Variants in DPP6 observed in about 807,000 individuals in gnomAD.
DPP6 encodes dipeptidyl peptidase like 6, also known as A-type potassium channel modulatory protein DPP6.
DPP6 carries 69 observed loss-of-function variants against 122.6 expected under a neutral mutation model. The ratio of observed to expected loss-of-function variants is 0.56; its 90% CI spans 0.46 to 0.69. The LOEUF is 0.69. Ranked by LOEUF, DPP6 falls within the 30% of genes least tolerant of loss-of-function variation. The probability of loss-of-function intolerance (pLI) is 0.00; values close to 1 mark genes in which losing one functional copy is unlikely to be tolerated. For missense variants in DPP6, 928 were observed against 1,116.9 expected (o/e 0.83, Z 2.41); for synonymous variants, 418 against 433.1 (o/e 0.97, Z 0.43).
chr7:154,287,191 A>G (rs1804910969), intron 1 of DPP6, among the ~76,000 whole-genome samples: 1 of 152,226 alleles, frequency 6.6e-6, no homozygotes, highest in South Asian at 2.1e-4. Flanking sequence ...GACATCTTAC[A>G]AACGCAGGAG....
At chr7:154,729,983 G>C (rs1842257200) in intron 8 of DPP6, among the ~76,000 whole-genome samples, 1 of 152,172 alleles carries the variant, frequency 6.6e-6, no homozygotes, top group African/African-American at 2.4e-5. Context: ...AAGAGGTACA[G>C]GCAGCAGCAC....
chr7:153,755,069 T>C, the DPP6 span, among the ~76,000 whole-genome samples: 1 of 152,004 alleles, frequency 6.6e-6, no homozygotes, highest in Non-Finnish European at 1.5e-5. Flanking sequence ...AATGTCCTTG[T>C]ATGTTGAGTG....
intron 4 of DPP6, among the ~76,000 whole-genome samples, chr7:154,558,968 A>T (rs1393220857): frequency 2.6e-5 from 4 of 152,232 alleles, no homozygotes; most frequent in African/African-American, 9.6e-5. Flanking sequence ...AGAGAGAATT[A>T]AAAATATCTG....
intron 8 of DPP6, among the ~76,000 whole-genome samples, chr7:154,732,923 G>C (rs1842407064): frequency 6.6e-6 from 1 of 152,098 alleles, no homozygotes; most frequent in Non-Finnish European, 1.5e-5. Context: ...AGTAGCTGCT[G>C]GGAAGTCTCC....
At chr7:154,728,238 C>A (rs924275707) in intron 8 of DPP6, among the ~76,000 whole-genome samples, 2 of 152,198 alleles carry the variant, frequency 1.3e-5, no homozygotes, top group African/African-American at 4.8e-5. Flanking sequence ...TCAGGGACTG[C>A]AAATGCATGT....
chr7:154,366,401 C>T (rs1300045194), intron 1 of DPP6, among the ~76,000 whole-genome samples: 7 of 152,200 alleles, frequency 4.6e-5, no homozygotes, highest in Admixed American at 6.5e-5. Context: ...TGAGGTTGAC[C>T]GGATGCCTTA....
intron 16 of DPP6, among the ~76,000 whole-genome samples, chr7:154,836,767 C>T (rs969568883): frequency 2.0e-5 from 3 of 152,128 alleles, no homozygotes; most frequent in East Asian, 1.9e-4. Flanking sequence ...AGTGCAATGG[C>T]GTGACCTAAG....
At position 154,863,129 on chromosome 7, in the gene DPP6, T is replaced by C. The variant is rs946527569; in HGVS notation, c.1715-4866T>C. ...GTTGCCCAGGCTGGTCTCGGACTCC[T>C]GGACTCAAGTGATCCTCCTCCCTTG... is the stretch of plus-strand genomic sequence containing the variant. On this transcript the variant is annotated intron_variant, in intron 17 of 25. Transcript: ENST00000377770. This position sits in a 1 kb window ranked among gnomAD's most constrained non-coding sequence, Gnocchi z 4.1. Among the ~76,000 whole-genome samples, 13 of 152,176 alleles carry C rather than the reference T, an allele frequency of 8.5e-5. No individual in the cohort carries two copies. The highest frequency in any genetic ancestry group is 3.1e-4 in the African/African-American group (13 of 41,458).
rs894602444 is a variant in DPP6 at position 154,875,382 on chromosome 7, A to G, written c.1884-524A>G. On this transcript the variant is annotated intron_variant, in intron 19 of 25. Transcript: ENST00000377770. This position sits in a 1 kb window ranked among gnomAD's most constrained non-coding sequence, Gnocchi z 4.5. ...AGAGCCAATGGCTCCTTGACTCCCGAGCAGAGGGAGGGAGAAAGGCCACCC... is the reference window on the plus strand; with the variant it reads ...AGAGCCAATGGCTCCTTGACTCCCGGGCAGAGGGAGGGAGAAAGGCCACCC... Among the ~76,000 whole-genome samples, 6 of 152,182 alleles carry G rather than the reference A, an allele frequency of 3.9e-5. No individual in the cohort carries two copies. Among genetic ancestry groups the G allele is most frequent in the Admixed American group, 1.3e-4 (2 of 15,288 alleles).
At chr7:154,869,389 G>C (rs1804183766) in intron 18 of DPP6, among the ~76,000 whole-genome samples, 1 of 152,266 alleles carries the variant, frequency 6.6e-6, no homozygotes, top group Admixed American at 6.5e-5. Flanking sequence ...GCATTGCGTA[G>C]AGCAGAAAGT....
At chr7:154,609,200 G>A (rs1833759087) in intron 5 of DPP6, among the ~76,000 whole-genome samples, 1 of 152,078 alleles carries the variant, frequency 6.6e-6, no homozygotes, top group South Asian at 2.1e-4. Context: ...TCGTTATGTT[G>A]TATCCATGTG....
intron 10 of DPP6, among the ~76,000 whole-genome samples, chr7:154,786,821 T>A (rs1797368144): frequency 1.3e-5 from 2 of 152,184 alleles, no homozygotes; most frequent in Non-Finnish European, 2.9e-5. Flanking sequence ...CACCGTTTCA[T>A]CCATATACTT....
rs1202248132 is a variant in DPP6 at position 153,918,466 on chromosome 7, ACT to A, written c.51+30755_51+30756del. 5.6e-3 allele frequency among the ~76,000 whole-genome samples: 536 copies of A among 95,926 alleles called. 5 individuals carry two copies. Among genetic ancestry groups the A allele is most frequent in the Non-Finnish European group, 6.5e-3 (305 of 46,620 alleles). 62.9% of individuals were successfully genotyped at this position (95,926 alleles called of 152,430 possible). A position where few individuals can be genotyped will look rare whatever the true frequency, so the allele number is the denominator to read the frequency against. On this transcript the variant is annotated intron_variant, in intron 1 of 25. Coordinates refer to the DPP6 transcript ENST00000404039. ...CACACACACACACACACACACACAC[ACT>A]CTCTCTCTCTCTCTCTCTCTCTTTT...
At chr7:154,456,591 G>A (rs1000447248) in intron 2 of DPP6, among the ~76,000 whole-genome samples, 14 of 152,018 alleles carry the variant, frequency 9.2e-5, no homozygotes, top group Non-Finnish European at 1.6e-4. Flanking sequence ...AAAAGTCCAA[G>A]TTGTAATCCT....
upstream of DPP6, among the ~76,000 whole-genome samples, chr7:154,051,257 G>A (rs766209182): frequency 6.2e-4 from 69 of 111,510 alleles, 15 homozygotes; most frequent in Non-Finnish European, 1.2e-3. Context: ...GGGTCTCACA[G>A]GTTCCCCCCT....
the DPP6 span, among the ~76,000 whole-genome samples, chr7:153,857,404 C>A: frequency 2.1e-5 from 3 of 145,118 alleles, no homozygotes; most frequent in Admixed American, 7.0e-5. Flanking sequence ...CTATGGTCAA[C>A]ATTTAAAGTG....
intron 1 of DPP6, among the ~76,000 whole-genome samples, chr7:154,417,901 C>T (rs529718564): frequency 1.2e-4 from 19 of 152,176 alleles, no homozygotes; most frequent in Non-Finnish European, 2.6e-4. Flanking sequence ...GCCAAAGGGC[C>T]ATTACAATAC....
chr7:154,683,297 C>T (rs1362540220), intron 7 of DPP6, among the ~76,000 whole-genome samples: 1 of 152,196 alleles, frequency 6.6e-6, no homozygotes, highest in Non-Finnish European at 1.5e-5. Context: ...CAACTGTGCA[C>T]TCCAGACTCA....
chr7:154,320,568 C>G (rs1260373943), intron 1 of DPP6, among the ~76,000 whole-genome samples: 1 of 152,188 alleles, frequency 6.6e-6, no homozygotes, highest in Non-Finnish European at 1.5e-5. Flanking sequence ...ACAGCAACCC[C>G]TGCCTTCCAG....
Sources: gnomAD v4.1 joint callset for allele counts (sites outside exome capture counted in the v4.1 genomes callset) on GRCh38, gnomAD v4.1.1 for gene constraint, Gnocchi (gnomAD v3.1) non-coding constraint, MANE v1.5 for transcripts, NCBI Gene and HGNC (gene_info 2026-07-23, HGNC 2026-07-21) for gene names.